The following PRDM4 variants were observed in gnomAD, a reference collection of about 807,000 sequenced individuals.
PRDM4 encodes PR/SET domain 4, also known as PR domain zinc finger protein 4.
A neutral mutation model predicts 62.3 loss-of-function variants in PRDM4; 38 were observed. That is an observed-to-expected ratio of 0.61 (90% CI 0.47 to 0.80). The LOEUF is 0.80. Among genes scored for constraint, PRDM4 ranks in the 30% least tolerant of loss-of-function variants. The pLI is 0.00. For missense variants in PRDM4, 858 were observed against 997.1 expected (o/e 0.86, Z 1.88); for synonymous variants, 339 against 348.2 (o/e 0.97, Z 0.30).
intron 2 of PRDM4, among the ~76,000 whole-genome samples, chr12:107,757,290 A>T (rs1196960379): frequency 2.0e-5 from 3 of 152,160 alleles, no homozygotes; most frequent in Non-Finnish European, 4.4e-5. Context: ...GTTTTTTTTT[A>T]AATCACTCAA....
rs957367662 is a variant in PRDM4, at chr12:107,743,190, C to T, written c.1481+7G>A. ...AACTATTTTTTCTCATCCAAGACTA[C>T]TCATACCTGGCTTTGCGCACAAACA... On this transcript the variant is annotated splice_region_variant and intron_variant, in intron 8 of 11. Transcript: ENST00000228437. The T allele has an allele frequency of 6.3e-7, 1 of 1,596,828 alleles. No homozygotes were observed. The highest frequency in any genetic ancestry group is 1.3e-5 in the African/African-American group (1 of 74,506).
chr12:107,756,621 T>C (rs1056463397), intron 3 of PRDM4, among the ~76,000 whole-genome samples: 8 of 152,050 alleles, frequency 5.3e-5, no homozygotes, highest in Admixed American at 5.2e-4. Flanking sequence ...TCAGAAAAAA[T>C]TGCTGCTACT....
At chr12:107,743,615 T>TG (rs1890588714) in intron 7 of PRDM4, among the ~76,000 whole-genome samples, 1 of 152,206 alleles carries the variant, frequency 6.6e-6, no homozygotes, top group Admixed American at 6.5e-5. Context: ...ACTGAATGAC[T>TG]GAATGTCCAT....
Position 107,751,931 on chromosome 12 carries a change from T to C in PRDM4, c.610A>G (p.Ile204Val), listed in dbSNP as rs140724736. ...MENVSRVTSP[I>V]STDGMAEELT... The stretch of plus-strand genomic sequence containing the variant: ...TCCTCTGCCATTCCATCTGTCGAAA[T>C]TGGGCTGGTAACCCTAGAAACGTTC... The change falls in exon 5 of 12, where the codon ATT becomes GTT. Residue 204 changes from isoleucine to valine, a missense_variant. Transcript: ENST00000228437. 6 of 1,614,256 alleles carry C rather than the reference T, an allele frequency of 3.7e-6. No homozygotes were observed. Among genetic ancestry groups the C allele is most frequent in the Non-Finnish European group, 5.1e-6 (6 of 1,180,044 alleles).
intron 5 of PRDM4, among the ~76,000 whole-genome samples, chr12:107,750,286 C>T (rs1188907655): frequency 6.6e-6 from 1 of 152,162 alleles, no homozygotes; most frequent in East Asian, 1.9e-4. Flanking sequence ...TGGCTCACAC[C>T]TGTAATCCTA....
intron 3 of PRDM4, among the ~76,000 whole-genome samples, chr12:107,756,165 C>CAGG (rs1221503324): frequency 6.6e-6 from 1 of 151,604 alleles, no homozygotes; most frequent in Non-Finnish European, 1.5e-5. Flanking sequence ...GAGGCTGAAG[C>CAGG]AGGAGAATCA....
intron 2 of PRDM4, chr12:107,758,511 A>C (rs1366652733): frequency 6.6e-6 from 1 of 152,162 alleles, no homozygotes; most frequent in South Asian, 2.1e-4. Flanking sequence ...AGGAAACTTA[A>C]GATTCAATGA....
intron 2 of PRDM4, among the ~76,000 whole-genome samples, chr12:107,759,297 A>T (rs1891154912): frequency 6.6e-6 from 1 of 152,194 alleles, no homozygotes; most frequent in Non-Finnish European, 1.5e-5. Flanking sequence ...TAAAGAAAAC[A>T]TATCTACCTT....
Position 107,743,269 on chromosome 12 carries a change from C to G in PRDM4, c.1409G>C (p.Gly470Ala). ...TGTAATGATGCAGAATTCTAGGACA[C>G]CATTGTGGTATATCTGCCAACAGAA... Reference protein sequence around the residue: ...VNHIWKIYHNGVLEFCIITTD... With the variant: ...VNHIWKIYHNAVLEFCIITTD... The change falls in exon 8 of 12, where the codon GGT becomes GCT. Residue 470 changes from glycine (G) to alanine (A), a missense_variant. Around this residue, in one of 3 missense-constraint regions of PRDM4, gnomAD observed 355 missense variants for 432.6 expected, o/e 0.82. Coordinates refer to ENST00000228437, the MANE Select transcript of PRDM4 (RefSeq NM_012406.4). The G allele has an allele frequency of 9.9e-6, 16 of 1,611,850 alleles. No homozygotes were observed. Among genetic ancestry groups the G allele is most frequent in the Non-Finnish European group, 1.3e-5 (15 of 1,178,050 alleles).
intron 7 of PRDM4, among the ~76,000 whole-genome samples, chr12:107,744,071 A>ACCATTACACTCCAG (rs1890607191): frequency 6.6e-6 from 1 of 152,054 alleles, no homozygotes; most frequent in African/African-American, 2.4e-5. Context: ...CTAAGATTGT[A>ACCATTACACTCCAG]CCATTACACT....
At chr12:107,734,658 C>T in intron 11 of PRDM4, 136 bp from the exon 12 acceptor site, 2 of 763,740 alleles carry the variant, frequency 2.6e-6, no homozygotes, top group Non-Finnish European at 4.3e-6. Context: ...AGGTGATATA[C>T]AGAAGACTCA....
At chr12:107,750,442 G>A (rs1049423512) in intron 5 of PRDM4, among the ~76,000 whole-genome samples, 1 of 152,126 alleles carries the variant, frequency 6.6e-6, no homozygotes, top group African/African-American at 2.4e-5. Flanking sequence ...TGCTCGGGAG[G>A]CTAAAGTGGG....
In PRDM4 at chr12:107,741,059, T is replaced by C; in HGVS notation, c.1811A>G (p.Lys604Arg). Reference protein sequence around the residue: ...MCPQAFISPSKLHVHFMGHMG... With the variant: ...MCPQAFISPSRLHVHFMGHMG... ...GTGACCCATAAAGTGGACATGAAGT[T>C]TGGAAGGAGAGATAAAAGCTTGGGG... The change falls in exon 10 of 12, where the codon AAA becomes AGA. Residue 604 changes from lysine to arginine, a missense_variant. This residue lies in a region of PRDM4 where 355 missense variants were observed against 432.6 expected (regional missense o/e 0.82). Transcript: ENST00000228437. 6.2e-7 allele frequency: 1 copy of C among 1,614,124 alleles called. No homozygotes were observed. Among genetic ancestry groups the C allele is most frequent in the Non-Finnish European group, 8.5e-7 (1 of 1,180,026 alleles).
intron 8 of PRDM4, 85 bp from the exon 9 acceptor site, chr12:107,742,433 T>A: frequency 6.9e-7 from 1 of 1,452,426 alleles, no homozygotes; most frequent in Non-Finnish European, 9.5e-7. Context: ...AAATCCTATA[T>A]GAAAGCTTAG....
At chr12:107,760,300 T>C (rs1891198275) in intron 2 of PRDM4, among the ~76,000 whole-genome samples, 1 of 152,252 alleles carries the variant, frequency 6.6e-6, no homozygotes, top group South Asian at 2.1e-4. Flanking sequence ...AACGTGTGGC[T>C]ACTGGGAACA....
In PRDM4 at chr12:107,752,219, G is replaced by A. The variant is rs199765043; in HGVS notation, c.332-10C>T. On this transcript the variant is annotated splice_polypyrimidine_tract_variant and intron_variant, in intron 4 of 11. Coordinates refer to ENST00000228437, the MANE Select transcript of PRDM4 (RefSeq NM_012406.4). ...AAATAAGATAAAATGCCTGAGAAAA[G>A]GAAAAGATGAGATATCAGAGACTTT... 2.1e-5 allele frequency: 32 copies of A among 1,540,524 alleles called. No homozygotes were observed. In the Admixed American group the frequency reaches 2.5e-4, roughly 12 times the overall value.
chr12:107,734,723 T>G (rs1489401284), intron 11 of PRDM4, among the ~76,000 whole-genome samples: 1 of 152,216 alleles, frequency 6.6e-6, no homozygotes, highest in African/African-American at 2.4e-5. Flanking sequence ...TTTAGAATAC[T>G]ATGTAAATTC....
chr12:107,749,853 TCTC>T (rs776935618), intron 5 of PRDM4, among the ~76,000 whole-genome samples: 12 of 152,090 alleles, frequency 7.9e-5, no homozygotes, highest in Non-Finnish European at 1.3e-4. Context: ...GGCTCCTACT[TCTC>T]CTCTCACCAC....
In PRDM4 at chr12:107,755,582, C is replaced by G. The variant is rs370117611; in HGVS notation, c.145+1250G>C. 6.6e-5 allele frequency among the ~76,000 whole-genome samples: 10 copies of G among 152,260 alleles called. No individual in the cohort carries two copies. The East Asian group carries it at 1.5e-3, about 23-fold the overall frequency. ...TAACTGCTGCATTTTATTAATTAAG[C>G]AAGTAATTCTCTTTAGAGAACTATT... On this transcript the variant is annotated intron_variant, in intron 3 of 11. Coordinates refer to ENST00000228437, the MANE Select transcript of PRDM4 (RefSeq NM_012406.4).
Sources: gnomAD v4.1 joint callset for allele counts (sites outside exome capture counted in the v4.1 genomes callset) on GRCh38, gnomAD v4.1.1 for gene constraint, gnomAD v4.1.1 regional missense constraint, MANE v1.5 for transcripts, NCBI Gene and HGNC (gene_info 2026-07-23, HGNC 2026-07-21) for gene names.